ZNF146: variants seen among roughly 807,000 people sequenced by gnomAD.
The protein encoded by ZNF146 is zinc finger protein 146, also known as zinc finger protein OZF.
In ZNF146, 9 loss-of-function variants were observed where a neutral mutation model predicts 22.2. The ratio of observed to expected loss-of-function variants is 0.41; its 90% CI spans 0.24 to 0.71. The LOEUF (loss-of-function observed/expected upper bound fraction) is 0.71. Ranked by LOEUF, ZNF146 falls within the 30% of genes least tolerant of loss-of-function variation. The pLI is 0.34. For missense variants in ZNF146, 194 were observed against 344.8 expected (o/e 0.56, Z 3.46); for synonymous variants, 108 against 119.2 (o/e 0.91, Z 0.61).
Position 36,237,149 on chromosome 19 carries a change from G to C in ZNF146, c.709G>C (p.Glu237Gln). 1 of 1,614,162 alleles carries C rather than the reference G, an allele frequency of 6.2e-7. No homozygotes were observed. Among genetic ancestry groups the C allele is most frequent in the Non-Finnish European group, 8.5e-7 (1 of 1,180,020 alleles). ...LTVHVRSHTG[E>Q]KPYGCNECGK... ...TGTGCATGTGAGAAGCCATACAGGG[G>C]AGAAGCCCTATGGTTGTAATGAATG... The change falls in exon 4 of 4, where the codon GAG becomes CAG. Residue 237 changes from glutamate (E) to glutamine (Q), a missense_variant. By Grantham distance (29) the Glu-to-Gln change is conservative. Coordinates refer to ENST00000443387, the MANE Select transcript of ZNF146 (RefSeq NM_007145.3).
chr19:36,232,194 C>CA (rs35069898), intron 3 of ZNF146, among the ~76,000 whole-genome samples: 1,103 of 108,848 alleles, frequency 0.01, 5 homozygotes, highest in Middle Eastern at 0.019. Context: ...GACTCCATCT[C>CA]AAAAAAAAAA....
intron 1 of ZNF146, among the ~76,000 whole-genome samples, chr19:36,216,573 G>C (rs1057159123): frequency 6.6e-6 from 1 of 152,114 alleles, no homozygotes; most frequent in Non-Finnish European, 1.5e-5. Context: ...CAGGAAAATC[G>C]CTTGAACCTG....
At chr19:36,225,011 C>T (rs1028166082) in intron 2 of ZNF146, among the ~76,000 whole-genome samples, 1 of 152,196 alleles carries the variant, frequency 6.6e-6, no homozygotes, top group Non-Finnish European at 1.5e-5. Context: ...ATAATTGAGG[C>T]AGTAGGCATC....
chr19:36,235,900 AAGGGAC>A lies in ZNF146; in HGVS notation c.-540_-535del. 6.6e-6 allele frequency: 1 copy of A among 152,508 alleles called. No homozygotes were observed. The highest frequency in any genetic ancestry group is 1.5e-5 in the Non-Finnish European group (1 of 68,190). 9.4% of individuals were successfully genotyped at this position (152,508 alleles called of 1,614,324 possible). A position where few individuals can be genotyped will look rare whatever the true frequency, so the allele number is the denominator to read the frequency against. ...GGAGGTTGTGTAGGAAAGAATCATC[AAGGGAC>A]TTAGTTGGGAGCTTCTCTACCACAG... is the stretch of plus-strand genomic sequence containing the variant. On this transcript the variant is annotated 5_prime_UTR_variant, in exon 4 of 4. Coordinates refer to ENST00000443387, the MANE Select transcript of ZNF146 (RefSeq NM_007145.3).
At chr19:36,221,078 C>T (rs1470969191) in intron 2 of ZNF146, among the ~76,000 whole-genome samples, 2 of 151,482 alleles carry the variant, frequency 1.3e-5, no homozygotes. Context: ...GTCTCGAACT[C>T]CTGACTTCCT....
At chr19:36,222,891 T>A (rs922871416) in intron 2 of ZNF146, among the ~76,000 whole-genome samples, 1 of 129,456 alleles carries the variant, frequency 7.7e-6, no homozygotes, top group African/African-American at 2.6e-5. Context: ...TTAGTAATAA[T>A]AGTTTCTTTT....
intron 2 of ZNF146, among the ~76,000 whole-genome samples, chr19:36,219,613 G>A (rs975908533): frequency 1.7e-4 from 26 of 152,124 alleles, no homozygotes; most frequent in African/African-American, 4.1e-4. Context: ...CAGATGGCTG[G>A]TGATTGTTAC....
chr19:36,219,281 C>T (rs1312537950), intron 2 of ZNF146, among the ~76,000 whole-genome samples: 2 of 152,144 alleles, frequency 1.3e-5, no homozygotes, highest in Non-Finnish European at 2.9e-5. Context: ...CTCAGCCCCA[C>T]CCCCGCAGTG....
At chr19:36,217,304 C>A (rs1034307043) in intron 1 of ZNF146, among the ~76,000 whole-genome samples, 1 of 151,636 alleles carries the variant, frequency 6.6e-6, no homozygotes, top group Non-Finnish European at 1.5e-5. Flanking sequence ...CTCAAGTGAT[C>A]GGCCCGCCTC....
intron 3 of ZNF146, among the ~76,000 whole-genome samples, chr19:36,234,533 G>C (rs1342228666): frequency 1.3e-5 from 2 of 152,146 alleles, no homozygotes; most frequent in African/African-American, 4.8e-5. Context: ...TTCAAGCTTT[G>C]CATCTGGTTG....
At chr19:36,218,267 GGGT>G (rs1976697453) in intron 2 of ZNF146, 72 bp downstream of exon 2, 1 of 151,918 alleles carries the variant, frequency 6.6e-6, no homozygotes, top group South Asian at 2.1e-4. Context: ...TTGATTCAAA[GGGT>G]GGTTGTGTAG....
chr19:36,228,681 C>T (rs909178082), intron 2 of ZNF146, 67 bp from the exon 3 acceptor site: 1 of 152,180 alleles, frequency 6.6e-6, no homozygotes, highest in African/African-American at 2.4e-5. Flanking sequence ...CAGGGCTCAG[C>T]CTGAGTTCTA....
Position 36,238,420 on chromosome 19 carries a change from G to A in ZNF146, c.*1101G>A, listed in dbSNP as rs1460544786. ...AATAATGAGTGTGGGAGGTGGGATG[G>A]GTATTGGTTAAAGGGGACTTCAGCT... On this transcript the variant is annotated 3_prime_UTR_variant, in exon 4 of 4. Transcript: ENST00000443387. 1 of 167,016 alleles carries A rather than the reference G, an allele frequency of 6.0e-6. No individual in the cohort carries two copies. Among genetic ancestry groups the A allele is most frequent in the Non-Finnish European group, 1.5e-5 (1 of 68,104 alleles). 10.3% of individuals were successfully genotyped at this position (167,016 alleles called of 1,614,324 possible). A position where few individuals can be genotyped will look rare whatever the true frequency, so the allele number is the denominator to read the frequency against.
At chr19:36,215,466 G>A (rs1976560756) in intron 1 of ZNF146, among the ~76,000 whole-genome samples, 1 of 152,160 alleles carries the variant, frequency 6.6e-6, no homozygotes, top group South Asian at 2.1e-4. Flanking sequence ...TAGGAGACCA[G>A]CATTGAGGTA....
At chr19:36,215,529 C>A (rs1327817124) in intron 1 of ZNF146, among the ~76,000 whole-genome samples, 1 of 151,960 alleles carries the variant, frequency 6.6e-6, no homozygotes, top group African/African-American at 2.4e-5. Flanking sequence ...TATAACGGTG[C>A]CATCTTCCTG....
chr19:36,237,313 TC>T lies in ZNF146; in HGVS notation c.874del (p.His292ThrfsTer35). The T allele has an allele frequency of 5.0e-6, 8 of 1,601,846 alleles. No homozygotes were observed. Among genetic ancestry groups the T allele is most frequent in the Non-Finnish European group, 6.8e-6 (8 of 1,173,876 alleles). ...HHIRHQKIHTH is the reference protein window; with the variant it reads ...HHIRHQKIHTX ...ACATTAGACACCAGAAAATTCATAC[TC>T]ACTAAAAACCCCATGAAAGCCTTGA... is the stretch of plus-strand genomic sequence containing the variant. On this transcript the variant is annotated frameshift_variant, in exon 4 of 4. Coordinates refer to ENST00000443387, the MANE Select transcript of ZNF146 (RefSeq NM_007145.3). LOFTEE classifies it high-confidence loss of function.
chr19:36,225,715 G>A (rs936180290), intron 2 of ZNF146, among the ~76,000 whole-genome samples: 2 of 149,218 alleles, frequency 1.3e-5, no homozygotes, highest in Non-Finnish European at 3.0e-5. Flanking sequence ...TGGGATTACA[G>A]GCATGAGCCA....
At chr19:36,231,414 G>A (rs1399512159) in intron 3 of ZNF146, among the ~76,000 whole-genome samples, 3 of 152,114 alleles carry the variant, frequency 2.0e-5, no homozygotes, top group African/African-American at 4.8e-5. Context: ...TCACCATGTT[G>A]GCCAGGCTGG....
intron 2 of ZNF146, among the ~76,000 whole-genome samples, chr19:36,221,519 A>C (rs1167706475): frequency 6.6e-6 from 1 of 151,622 alleles, no homozygotes; most frequent in Non-Finnish European, 1.5e-5. Flanking sequence ...TGATCTCCTG[A>C]CCTCGTGATC....
Sources: allele counts gnomAD v4.1 joint callset (sites outside exome capture counted in the v4.1 genomes callset), GRCh38; gene constraint gnomAD v4.1.1; transcripts MANE v1.5; gene names NCBI Gene and HGNC (gene_info 2026-07-23, HGNC 2026-07-21).